UBE2L3: variants seen among roughly 807,000 people sequenced by gnomAD.
UBE2L3 encodes ubiquitin-conjugating enzyme E2 L3.
In UBE2L3, 1 loss-of-function variant was observed where a neutral mutation model predicts 17.8. The observed-to-expected ratio is 0.06, with a 90% CI of 0.02 to 0.27. The LOEUF is 0.27. Ranked by LOEUF, UBE2L3 falls within the 10% of genes least tolerant of loss-of-function variation. UBE2L3 has a pLI of 1.00. For missense variants in UBE2L3, 40 were observed against 192.6 expected (o/e 0.21, Z 4.69); for synonymous variants, 44 against 68.5 (o/e 0.64, Z 1.76).
chr22:21,619,831 C>A, intron 3 of UBE2L3, among the ~76,000 whole-genome samples: 1 of 152,148 alleles, frequency 6.6e-6, no homozygotes, highest in East Asian at 1.9e-4. Context: ...AGCTGGGACT[C>A]TAGGCATGGG....
At chr22:21,611,116 C>A (rs944385028) in intron 3 of UBE2L3, 73 bp downstream of exon 3, 19 of 1,434,966 alleles carry the variant, frequency 1.3e-5, no homozygotes, top group Non-Finnish European at 1.5e-5. Flanking sequence ...GCTTCTGGTA[C>A]CAGATCAGAC....
chr22:21,597,097 G>A (rs1928572000), intron 2 of UBE2L3, among the ~76,000 whole-genome samples: 1 of 151,848 alleles, frequency 6.6e-6, no homozygotes, highest in African/African-American at 2.4e-5. Context: ...TCCCACCTCA[G>A]CCTCCCGAGT....
chr22:21,613,526 G>C lies in UBE2L3; in HGVS notation c.310+2483G>C, dbSNP rs546320063. On this transcript the variant is annotated intron_variant, in intron 3 of 3. Coordinates refer to ENST00000342192, the MANE Select transcript of UBE2L3 (RefSeq NM_003347.4). ...TAGAACATTATTATGTAGATTGTTT[G>C]TGGCATGGCCTTGATCCCCATCCTC... Among the ~76,000 whole-genome samples, 9 of 152,304 alleles carry C rather than the reference G, an allele frequency of 5.9e-5. No individual in the cohort carries two copies. The South Asian group carries it at 1.9e-3, about 32-fold the overall frequency.
intron 2 of UBE2L3, among the ~76,000 whole-genome samples, chr22:21,597,420 A>G (rs1236146598): frequency 6.6e-6 from 1 of 151,828 alleles, no homozygotes; most frequent in East Asian, 2.0e-4. Context: ...AGTCTTCCCA[A>G]GTAGCTGGCA....
chr22:21,588,500 C>G (rs1285425516), intron 1 of UBE2L3, among the ~76,000 whole-genome samples: 4 of 134,584 alleles, frequency 3.0e-5, no homozygotes, highest in Non-Finnish European at 6.2e-5. Context: ...TAGGGTCTCA[C>G]TCTAGTTGCC....
chr22:21,581,811 GA>G (rs112255426), intron 1 of UBE2L3, among the ~76,000 whole-genome samples: 67 of 145,818 alleles, frequency 4.6e-4, no homozygotes, highest in Admixed American at 9.7e-4. Flanking sequence ...AAAAAAAAAA[GA>G]AAAAAAAATT....
intron 1 of UBE2L3, among the ~76,000 whole-genome samples, chr22:21,561,536 C>T (rs1202318981): frequency 1.3e-5 from 2 of 152,258 alleles, no homozygotes; most frequent in African/African-American, 4.8e-5. Context: ...GAGCCATGAT[C>T]ACACCACTAT....
At chr22:21,587,468 C>T (rs944851762) in intron 1 of UBE2L3, among the ~76,000 whole-genome samples, 1 of 152,154 alleles carries the variant, frequency 6.6e-6, no homozygotes, top group African/African-American at 2.4e-5. Flanking sequence ...TGTGAGCCAC[C>T]GCGCCTCGCC....
intron 1 of UBE2L3, among the ~76,000 whole-genome samples, chr22:21,590,909 T>TGTGAGC (rs547874390): frequency 1.1e-3 from 168 of 152,332 alleles, no homozygotes; most frequent in African/African-American, 3.9e-3. Context: ...TGAGCACCAC[T>TGTGAGC]GTGAGCCAGG....
At chr22:21,613,551 C>T (rs1026671433) in intron 3 of UBE2L3, among the ~76,000 whole-genome samples, 5 of 152,206 alleles carry the variant, frequency 3.3e-5, no homozygotes, top group African/African-American at 9.6e-5. Context: ...TCCCCATCCT[C>T]ACATACATCA....
At chr22:21,571,961 C>T (rs1926992431) in intron 1 of UBE2L3, among the ~76,000 whole-genome samples, 1 of 152,150 alleles carries the variant, frequency 6.6e-6, no homozygotes, top group African/African-American at 2.4e-5. Context: ...CCTGAATCCA[C>T]TGAGGCTTTG....
At chr22:21,597,775 ATTTTTTTTTTTTTTTTT>A (rs35054754) in intron 2 of UBE2L3, among the ~76,000 whole-genome samples, 2 of 25,552 alleles carry the variant, frequency 7.8e-5, no homozygotes, top group African/African-American at 3.1e-4. Context: ...TTATATGTAG[ATTTTTTTTTTTTTTTTT>A]TTTTTTTTTT....
chr22:21,607,965 C>A (rs912530890), intron 2 of UBE2L3, among the ~76,000 whole-genome samples: 3 of 152,162 alleles, frequency 2.0e-5, no homozygotes, highest in African/African-American at 7.2e-5. Flanking sequence ...TTGTAACTTA[C>A]CTCTGGTACA....
chr22:21,583,225 G>A (rs922484464), intron 1 of UBE2L3, among the ~76,000 whole-genome samples: 3 of 152,046 alleles, frequency 2.0e-5, no homozygotes, highest in Non-Finnish European at 4.4e-5. Context: ...GTCTTCCCCC[G>A]TCTTTCAAGG....
chr22:21,577,502 G>C (rs1927380435), intron 1 of UBE2L3, among the ~76,000 whole-genome samples: 2 of 152,190 alleles, frequency 1.3e-5, no homozygotes, highest in Admixed American at 6.5e-5. Context: ...ACATACTCTA[G>C]AATTCCAGAG....
At chr22:21,583,077 T>G (rs1927735042) in intron 1 of UBE2L3, among the ~76,000 whole-genome samples, 1 of 152,182 alleles carries the variant, frequency 6.6e-6, no homozygotes, top group Admixed American at 6.5e-5. Context: ...CTGGCCCTGA[T>G]CATGAGTGCC....
chr22:21,579,365 G>A (rs1380887095), intron 1 of UBE2L3, among the ~76,000 whole-genome samples: 2 of 152,172 alleles, frequency 1.3e-5, no homozygotes, highest in East Asian at 1.9e-4. Flanking sequence ...AAGGGATGAT[G>A]TCTTGGCATG....
intron 1 of UBE2L3, among the ~76,000 whole-genome samples, chr22:21,589,982 T>C (rs530407542): frequency 1.3e-5 from 2 of 152,202 alleles, no homozygotes; most frequent in South Asian, 4.1e-4. Context: ...TCTTTTATCT[T>C]TGTCTGTGGA....
chr22:21,562,256 G>T (rs577252424), intron 1 of UBE2L3, among the ~76,000 whole-genome samples: 1 of 148,626 alleles, frequency 6.7e-6, no homozygotes. Context: ...ATGCAGTGGC[G>T]TGATCTCGGC....
Sources: allele counts gnomAD v4.1 joint callset (sites outside exome capture counted in the v4.1 genomes callset), GRCh38; gene constraint gnomAD v4.1.1; transcripts MANE v1.5; gene names NCBI Gene and HGNC (gene_info 2026-07-23, HGNC 2026-07-21).